The following ZNF333 variants were observed in gnomAD, a reference collection of about 807,000 sequenced individuals.
ZNF333 encodes zinc finger protein 333.
In ZNF333, 61 loss-of-function variants were observed where a neutral mutation model predicts 76.1. The observed-to-expected ratio is 0.80, with a 90% CI of 0.65 to 0.99. ZNF333 has a LOEUF of 0.99. Ranked by LOEUF, ZNF333 falls within the 50% of genes least tolerant of loss-of-function variation. The probability of loss-of-function intolerance (pLI) is 0.00; values close to 1 mark genes in which losing one functional copy is unlikely to be tolerated. For missense variants in ZNF333, 717 were observed against 822.4 expected (o/e 0.87, Z 1.57); for synonymous variants, 284 against 305.0 (o/e 0.93, Z 0.72).
chr19:14,716,197 G>A lies in ZNF333; in HGVS notation c.686G>A (p.Arg229Lys), dbSNP rs758451435. The A allele has an allele frequency of 1.2e-6, 2 of 1,614,166 alleles. No homozygotes were observed. The highest frequency in any genetic ancestry group is 1.7e-6 in the Non-Finnish European group (2 of 1,180,030). Residue 229 changes from arginine (R) to lysine (K), a missense_variant, in exon 9 of 12, where the codon AGA (arginine) becomes AAA (lysine). Coordinates refer to ENST00000292530, the MANE Select transcript of ZNF333 (RefSeq NM_032433.4). ...FLDSTQRSLY[R>K]DVMLENYRNL... ...GACTCTACTCAGAGGAGCCTGTATA[G>A]AGATGTGATGCTGGAGAACTACAGG...
intron 4 of ZNF333, among the ~76,000 whole-genome samples, chr19:14,697,578 C>T (rs966771252): frequency 3.9e-5 from 6 of 151,994 alleles, no homozygotes; most frequent in Non-Finnish European, 8.8e-5. Flanking sequence ...CCAGGCTGGT[C>T]TTGAACTCCT....
intron 6 of ZNF333, among the ~76,000 whole-genome samples, chr19:14,705,588 C>CAG (rs570977855): frequency 2.5e-4 from 38 of 152,154 alleles, no homozygotes; most frequent in African/African-American, 8.9e-4. Context: ...CTTACCAAGG[C>CAG]AGAGAGAGAA....
chr19:14,719,242 A>G lies in ZNF333; in HGVS notation c.1915A>G (p.Thr639Ala). The change falls in exon 12 of 12, where the codon ACC becomes GCC. Residue 639 changes from threonine (T) to alanine (A), a missense_variant. Transcript: ENST00000292530. ...CTCCTCACTCACTGTACACAAAAGA[A>G]CCCATGTGGGAAGAGAGACCATTAG... ...HSSSLTVHKRTHVGRETIRNG... is the reference protein window; with the variant it reads ...HSSSLTVHKRAHVGRETIRNG... The G allele has an allele frequency of 1.2e-6, 2 of 1,614,210 alleles. No individual in the cohort carries two copies. Among genetic ancestry groups the G allele is most frequent in the Non-Finnish European group, 1.7e-6 (2 of 1,180,036 alleles).
intron 9 of ZNF333, 42 bp downstream of exon 9, chr19:14,716,280 A>G (rs765269652): frequency 2.5e-6 from 4 of 1,585,662 alleles, no homozygotes; most frequent in Non-Finnish European, 2.6e-6. Flanking sequence ...TTTTTTTGAG[A>G]CAGAGTCTTG....
intron 11 of ZNF333, among the ~76,000 whole-genome samples, chr19:14,730,111 G>A (rs557455067): frequency 6.6e-6 from 1 of 152,286 alleles, no homozygotes; most frequent in Admixed American, 6.5e-5. Context: ...GGAGTACAAT[G>A]GCACAATCTC....
At position 14,719,648 on chromosome 19, in the gene ZNF333, C is replaced by T; in HGVS notation, c.*323C>T. Reference sequence around the variant, plus strand: ...TTCCAGATATAGAATGTTTCTATCTCTCTGGAAGGTTCCTGCATGTTATAT... The same window carrying T: ...TTCCAGATATAGAATGTTTCTATCTTTCTGGAAGGTTCCTGCATGTTATAT... On this transcript the variant is annotated 3_prime_UTR_variant, in exon 12 of 12. Coordinates refer to ENST00000292530, the MANE Select transcript of ZNF333 (RefSeq NM_032433.4). 9.2e-7 allele frequency: 1 copy of T among 1,088,900 alleles called. No homozygotes were observed. Among genetic ancestry groups the T allele is most frequent in the Non-Finnish European group, 1.1e-6 (1 of 896,208 alleles). 67.5% of individuals were successfully genotyped at this position (1,088,900 alleles called of 1,614,324 possible).
intron 7 of ZNF333, chr19:14,708,928 T>C (rs2042196602): frequency 6.6e-6 from 1 of 152,270 alleles, no homozygotes; most frequent in South Asian, 2.1e-4. Context: ...TGATAGGGTT[T>C]GGATTTGTGT....
chr19:14,706,990 C>A, intron 7 of ZNF333: 1 of 508,112 alleles, frequency 2.0e-6, no homozygotes, highest in Non-Finnish European at 3.4e-6. Context: ...CTCACTCAAC[C>A]ACAGCAAAGG....
chr19:14,692,910 C>T (rs1025788008), intron 1 of ZNF333, among the ~76,000 whole-genome samples: 1 of 151,346 alleles, frequency 6.6e-6, no homozygotes, highest in Admixed American at 6.6e-5. Context: ...GTAACCTCCG[C>T]CTCCTGGGTT....
downstream of ZNF333, among the ~76,000 whole-genome samples, chr19:14,726,694 C>G (rs1309901200): frequency 6.6e-6 from 1 of 152,152 alleles, no homozygotes; most frequent in Admixed American, 6.5e-5. Flanking sequence ...AGGACATAGA[C>G]GCAATGCTGC....
intron 5 of ZNF333, 57 bp from the exon 6 acceptor site, chr19:14,704,997 T>G: frequency 1.0e-5 from 16 of 1,554,712 alleles, no homozygotes; most frequent in Non-Finnish European, 1.4e-5. Flanking sequence ...TCTCTCGGGC[T>G]GAGAACAGCT....
chr19:14,718,779 G>A lies in ZNF333; in HGVS notation c.1452G>A (p.Gly484=). 6.2e-7 allele frequency: 1 copy of A among 1,614,054 alleles called. No homozygotes were observed. Among genetic ancestry groups the A allele is most frequent in the Non-Finnish European group, 8.5e-7 (1 of 1,180,014 alleles). The part of the protein sequence containing the change: ...GEKPFECSQC[G]KAFREHSSLK... ...AGCCCTTTGAATGCAGCCAGTGTGG[G>A]AAAGCCTTCAGGGAACACTCTTCAC... The change falls in exon 12 of 12, where the codon GGG becomes GGA. Residue 484 remains glycine (G), a synonymous_variant. Coordinates refer to ENST00000292530, the MANE Select transcript of ZNF333 (RefSeq NM_032433.4).
In ZNF333 at chr19:14,693,475, AC is replaced by A; in HGVS notation, c.-14del. On this transcript the variant is annotated 5_prime_UTR_variant, in exon 2 of 12. Coordinates refer to ENST00000292530, the MANE Select transcript of ZNF333 (RefSeq NM_032433.4). ...GGGAGAACACCGACTGAGACCTCAA[AC>A]CCTGGCTCCAGTGTCATGGTGAGGA... The A allele has an allele frequency of 6.2e-7, 1 of 1,601,134 alleles. No homozygotes were observed. Among genetic ancestry groups the A allele is most frequent in the Non-Finnish European group, 8.5e-7 (1 of 1,170,638 alleles).
intron 11 of ZNF333, among the ~76,000 whole-genome samples, chr19:14,729,802 G>A (rs561857706): frequency 6.6e-6 from 1 of 152,256 alleles, no homozygotes. Flanking sequence ...TATATGAGAC[G>A]AGGCATACAT....
chr19:14,698,448 G>A (rs543902754), intron 4 of ZNF333, among the ~76,000 whole-genome samples: 38 of 152,110 alleles, frequency 2.5e-4, no homozygotes, highest in Admixed American at 8.5e-4. Context: ...GGGAGGCTGA[G>A]GCACAAGAAT....
chr19:14,715,569 C>G, intron 8 of ZNF333, 99 bp downstream of exon 8: 1 of 1,188,698 alleles, frequency 8.4e-7, no homozygotes, highest in Non-Finnish European at 1.2e-6. Flanking sequence ...TAGGGTTGGT[C>G]TCCATGCTTT....
chr19:14,709,316 A>G (rs1228264061), intron 7 of ZNF333: 1 of 152,224 alleles, frequency 6.6e-6, no homozygotes, highest in Non-Finnish European at 1.5e-5. Flanking sequence ...TGAGTACACC[A>G]GTCATATTGG....
At position 14,719,214 on chromosome 19, in the gene ZNF333, C is replaced by T. The variant is rs1228098902; in HGVS notation, c.1887C>T (p.His629=). ...QCNQCEKAFR[H]SSSLTVHKRT... is the part of the protein sequence containing the mutation. ...ATCAGTGTGAGAAAGCCTTCAGGCA[C>T]AGCTCCTCACTCACTGTACACAAAA... The change falls in exon 12 of 12, where the codon CAC becomes CAT. Residue 629 remains histidine, a synonymous_variant. Coordinates refer to ENST00000292530, the MANE Select transcript of ZNF333 (RefSeq NM_032433.4). 2.5e-6 allele frequency: 4 copies of T among 1,614,240 alleles called. No individual in the cohort carries two copies. Among genetic ancestry groups the T allele is most frequent in the Admixed American group, 1.7e-5 (1 of 60,030 alleles).
intron 1 of ZNF333, among the ~76,000 whole-genome samples, chr19:14,692,944 T>G (rs1475284529): frequency 7.0e-6 from 1 of 142,892 alleles, no homozygotes; most frequent in Non-Finnish European, 1.5e-5. Context: ...TGCCTCAGCC[T>G]CCCTCCCGAG....
Sources: gnomAD v4.1 joint callset for allele counts (sites outside exome capture counted in the v4.1 genomes callset) on GRCh38, gnomAD v4.1.1 for gene constraint, MANE v1.5 for transcripts, NCBI Gene and HGNC (gene_info 2026-07-23, HGNC 2026-07-21) for gene names.